MLIP: variants seen among roughly 807,000 people sequenced by gnomAD.
MLIP encodes muscular LMNA-interacting protein.
A neutral mutation model predicts 84.8 loss-of-function variants in MLIP; 79 were observed. The observed-to-expected ratio is 0.93, with a 90% CI of 0.78 to 1.12. The LOEUF (loss-of-function observed/expected upper bound fraction) is 1.12. MLIP is among the 50% of genes most tolerant of loss of function. MLIP has a pLI of 0.00. For synonymous variants in MLIP, 504 were observed against 463.0 expected (o/e 1.09, Z -1.14); for missense variants, 1,257 against 1,160.6 (o/e 1.08, Z -1.21).
chr6:54,190,939 GCGCC>G (rs1185379774), intron 10 of MLIP, among the ~76,000 whole-genome samples: 1 of 151,710 alleles, frequency 6.6e-6, no homozygotes, highest in Non-Finnish European at 1.5e-5. Flanking sequence ...GGGACTACAG[GCGCC>G]CGCCACCGAG....
intron 1 of MLIP, among the ~76,000 whole-genome samples, chr6:54,052,196 T>A (rs1765414660): frequency 6.6e-6 from 1 of 152,108 alleles, no homozygotes; most frequent in Admixed American, 6.6e-5. Context: ...TTTGCTCAAT[T>A]ACTGGGTCCC....
chr6:54,219,337 G>A (rs2004919), intron 11 of MLIP, among the ~76,000 whole-genome samples: 1,928 of 139,802 alleles, frequency 0.014, 45 homozygotes, highest in African/African-American at 0.048. Context: ...AAATTTTCTG[G>A]ATTTTTTTTC....
At chr6:54,265,561 G>A (rs1783638667) in intron 13 of MLIP, among the ~76,000 whole-genome samples, 1 of 152,058 alleles carries the variant, frequency 6.6e-6, no homozygotes, top group African/African-American at 2.4e-5. Context: ...TGCATTTTAG[G>A]GAATGGTGCA....
chr6:54,124,051 T>G (rs12195476), intron 2 of MLIP, among the ~76,000 whole-genome samples: 2 of 152,194 alleles, frequency 1.3e-5, no homozygotes, highest in Non-Finnish European at 2.9e-5. Context: ...TTTGTATTAT[T>G]TTAGAAACTT....
rs559185986 is a variant in MLIP at position 54,264,111 on chromosome 6, G to A, written c.2977-1839G>A. Among the ~76,000 whole-genome samples the A allele has an allele frequency of 4.6e-5, 7 of 152,132 alleles. No individual in the cohort carries two copies. The South Asian group carries it at 6.2e-4, about 14-fold the overall frequency. ...ATTTATTTGACCTGCTGGTGGGTTC[G>A]GGAAGAGCTGAGAAATAGTGCTAAG... On this transcript the variant is annotated intron_variant, in intron 13 of 13. Transcript: ENST00000502396.
At chr6:54,226,649 C>G (rs545739203) in intron 11 of MLIP, among the ~76,000 whole-genome samples, 1 of 148,238 alleles carries the variant, frequency 6.7e-6, no homozygotes, top group African/African-American at 2.5e-5. Context: ...AACAAACAAA[C>G]AAACAAACAA....
chr6:54,042,190 C>T (rs946300593), intron 1 of MLIP, among the ~76,000 whole-genome samples: 16 of 152,124 alleles, frequency 1.1e-4, no homozygotes, highest in Non-Finnish European at 2.9e-5. Flanking sequence ...CTTTTACTCA[C>T]AGCCTTTCTG....
intron 3 of MLIP, among the ~76,000 whole-genome samples, chr6:54,127,524 T>G (rs560144764): frequency 9.8e-5 from 15 of 152,296 alleles, no homozygotes; most frequent in African/African-American, 3.6e-4. Flanking sequence ...AACATTATTC[T>G]GATAGCTTTT....
In MLIP at chr6:54,226,487, A is replaced by G. The variant is rs1262821577; in HGVS notation, c.2719-4227A>G. ...TGTACAGTGAAACTCAAATAGCCTG[A>G]TCCATGTGCTCAGAGTTTCCAAAGT... On this transcript the variant is annotated intron_variant, in intron 11 of 13. Coordinates refer to ENST00000502396, the MANE Select transcript of MLIP (RefSeq NM_001281747.2). Among the ~76,000 whole-genome samples the G allele has an allele frequency of 2.0e-5, 3 of 152,182 alleles. No homozygotes were observed. In the East Asian group the frequency reaches 5.8e-4, roughly 29 times the overall value.
intron 1 of MLIP, among the ~76,000 whole-genome samples, chr6:54,090,919 T>C (rs1425048647): frequency 6.6e-6 from 1 of 152,134 alleles, no homozygotes; most frequent in African/African-American, 2.4e-5. Context: ...AATGTATCAT[T>C]GTTCTAATCA....
At chr6:54,222,910 G>A (rs1462397751) in intron 11 of MLIP, among the ~76,000 whole-genome samples, 6 of 152,076 alleles carry the variant, frequency 3.9e-5, no homozygotes, top group Non-Finnish European at 7.4e-5. Context: ...CATTCCAACA[G>A]GTGTGATATG....
intron 1 of MLIP, among the ~76,000 whole-genome samples, chr6:54,082,223 T>G (rs1767204663): frequency 6.6e-6 from 1 of 152,146 alleles, no homozygotes; most frequent in Non-Finnish European, 1.5e-5. Flanking sequence ...TATATTATAT[T>G]TATTTATCTA....
At chr6:54,062,399 G>A (rs982631725) in intron 1 of MLIP, among the ~76,000 whole-genome samples, 5 of 152,134 alleles carry the variant, frequency 3.3e-5, no homozygotes, top group Admixed American at 2.0e-4. Flanking sequence ...AATGTTTTGG[G>A]ATGTTTTAAG....
intron 1 of MLIP, among the ~76,000 whole-genome samples, chr6:54,082,308 T>C (rs917482349): frequency 6.6e-6 from 1 of 151,874 alleles, no homozygotes; most frequent in Non-Finnish European, 1.5e-5. Context: ...AATAAAATAT[T>C]CATGTACACG....
intron 3 of MLIP, among the ~76,000 whole-genome samples, chr6:54,127,279 T>C (rs929542212): frequency 5.3e-5 from 8 of 152,214 alleles, no homozygotes; most frequent in Non-Finnish European, 8.8e-5. Flanking sequence ...AATTTACTTT[T>C]ATCTTTTTTC....
At chr6:54,240,668 G>A (rs1038607401) in intron 12 of MLIP, among the ~76,000 whole-genome samples, 17 of 152,082 alleles carry the variant, frequency 1.1e-4, no homozygotes, top group Non-Finnish European at 2.4e-4. Context: ...GAATTATCTG[G>A]GGAGCTTTAG....
chr6:54,157,839 A>C (rs1774193914), intron 5 of MLIP, among the ~76,000 whole-genome samples: 1 of 152,130 alleles, frequency 6.6e-6, no homozygotes, highest in Non-Finnish European at 1.5e-5. Context: ...AGAATGATGA[A>C]AGAAAGCACA....
intron 2 of MLIP, among the ~76,000 whole-genome samples, chr6:54,124,057 AACT>A (rs1770696101): frequency 6.6e-6 from 1 of 152,090 alleles, no homozygotes; most frequent in Admixed American, 6.6e-5. Context: ...TTATTTTAGA[AACT>A]TTCAATGGGG....
At chr6:54,189,741 C>T in intron 9 of MLIP, 129 bp from the exon 10 acceptor site, 1 of 648,648 alleles carries the variant, frequency 1.5e-6, no homozygotes, top group Non-Finnish European at 2.6e-6. Flanking sequence ...GATATTTTTC[C>T]TTTTCTTTAT....
Sources: gnomAD v4.1 joint callset for allele counts (sites outside exome capture counted in the v4.1 genomes callset) on GRCh38, gnomAD v4.1.1 for gene constraint, MANE v1.5 for transcripts, NCBI Gene and HGNC (gene_info 2026-07-23, HGNC 2026-07-21) for gene names.